NSD2: variants seen among roughly 807,000 people sequenced by gnomAD.
NSD2 encodes nuclear receptor binding SET domain protein 2.
NSD2 carries 12 observed loss-of-function variants against 139.0 expected under a neutral mutation model. The ratio of observed to expected loss-of-function variants is 0.09; its 90% confidence interval spans 0.06 to 0.14. The LOEUF (loss-of-function observed/expected upper bound fraction) is 0.14, where lower values mean the gene tolerates loss of function less well. NSD2 is among the 10% of genes least tolerant of loss of function. NSD2 has a pLI of 1.00. For synonymous variants in NSD2, 669 were observed against 648.7 expected (o/e 1.03, Z -0.48); for missense variants, 1,155 against 1,745.0 (o/e 0.66, Z 6.02).
At chr4:1,897,645 A>T (rs77875172) in intron 1 of NSD2, among the ~76,000 whole-genome samples, 9,578 of 152,180 alleles carry the variant, frequency 0.063, 1,041 homozygotes, top group African/African-American at 0.22. Context: ...TTTTATTGAT[A>T]TATTTTTGAG....
chr4:1,952,181 G>A lies in NSD2; in HGVS notation c.2087G>A (p.Gly696Glu). ...CCGAFHLACL[G>E]LSRRPEGRFT... The stretch of plus-strand genomic sequence containing the variant: ...GGAGCTTTCCACCTCGCCTGCCTTG[G>A]GCTTTCCCGGAGGCCAGAAGGGAGG... The change falls in exon 11 of 22, where the codon GGG (glycine) becomes GAG (glutamate). Residue 696 changes from glycine (G) to glutamate (E), a missense_variant. By Grantham distance (98) the Gly-to-Glu change is moderately conservative. Coordinates refer to ENST00000508803, the MANE Select transcript of NSD2 (RefSeq NM_001042424.3). 6.2e-7 allele frequency: 1 copy of A among 1,614,088 alleles called. No individual in the cohort carries two copies. Among genetic ancestry groups the A allele is most frequent in the Admixed American group, 1.7e-5 (1 of 60,020 alleles).
intron 9 of NSD2, chr4:1,940,591 G>T: frequency 9.4e-7 from 1 of 1,063,532 alleles, no homozygotes; most frequent in Non-Finnish European, 1.1e-6. Context: ...CTTGTTATTT[G>T]GTTCTCCGTG....
chr4:1,877,844 C>T (rs1714374855), intron 1 of NSD2, among the ~76,000 whole-genome samples: 1 of 152,070 alleles, frequency 6.6e-6, no homozygotes, highest in African/African-American at 2.4e-5. Flanking sequence ...CCCTCTCGGG[C>T]ACCTTCTCTG....
At chr4:1,930,603 T>C in intron 5 of NSD2, 23 bp from the exon 6 acceptor site, 1 of 1,582,362 alleles carries the variant, frequency 6.3e-7, no homozygotes, top group Non-Finnish European at 8.6e-7. Context: ...AACTTCTCAT[T>C]GCACCTTCTC....
chr4:1,898,640 A>G (rs1429015249), intron 1 of NSD2, among the ~76,000 whole-genome samples: 1 of 150,230 alleles, frequency 6.7e-6, no homozygotes, highest in East Asian at 1.9e-4. Context: ...AACCTGGGTG[A>G]CAGAGCGAGA....
At position 1,942,643 on chromosome 4, in the gene NSD2, T is replaced by C; in HGVS notation, c.1881+2865T>C. 1 of 1,195,918 alleles carries C rather than the reference T, an allele frequency of 8.4e-7. No homozygotes were observed. The highest frequency in any genetic ancestry group is 1.0e-6 in the Non-Finnish European group (1 of 960,200). 74.1% of individuals were successfully genotyped at this position (1,195,918 alleles called of 1,614,324 possible). A position where few individuals can be genotyped will look rare whatever the true frequency, so the allele number is the denominator to read the frequency against. ...AACACGTTCATATTCCAGTGGTCAA[T>C]GTAGATTTCAAGTTGAAAGGCAGTC... On this transcript the variant is annotated intron_variant, in intron 9 of 21. Coordinates refer to ENST00000508803, the MANE Select transcript of NSD2 (RefSeq NM_001042424.3). This position sits in a 1 kb window ranked among gnomAD's most constrained non-coding sequence, Gnocchi z 4.0.
intron 8 of NSD2, among the ~76,000 whole-genome samples, chr4:1,938,742 A>C (rs1722758914): frequency 6.6e-6 from 1 of 152,014 alleles, no homozygotes; most frequent in African/African-American, 2.4e-5. Context: ...TGTTATTTTG[A>C]AGGGTTTGGC....
chr4:1,926,807 G>T (rs1720969730), intron 5 of NSD2, among the ~76,000 whole-genome samples: 1 of 152,102 alleles, frequency 6.6e-6, no homozygotes, highest in Non-Finnish European at 1.5e-5. Flanking sequence ...TACCTTTCCT[G>T]ATCCTAATTT....
At chr4:1,895,520 C>T (rs373502806) in intron 1 of NSD2, among the ~76,000 whole-genome samples, 1 of 152,172 alleles carries the variant, frequency 6.6e-6, no homozygotes, top group Non-Finnish European at 1.5e-5. Flanking sequence ...TTCAACTCAA[C>T]TGAGTTTTTA....
At chr4:1,926,208 G>A (rs1720894839) in intron 5 of NSD2, among the ~76,000 whole-genome samples, 1 of 148,654 alleles carries the variant, frequency 6.7e-6, no homozygotes, top group Non-Finnish European at 1.5e-5. Flanking sequence ...AGGCTGGAGT[G>A]CAGAGGCATG....
intron 9 of NSD2, chr4:1,944,763 GCC>G: frequency 9.4e-7 from 1 of 1,064,354 alleles, no homozygotes; most frequent in Middle Eastern, 4.2e-4. Flanking sequence ...TTCTAAAATT[GCC>G]CCACCTGCTC....
chr4:1,975,003 A>G lies in NSD2; in HGVS notation c.3513A>G (p.Ala1171=), dbSNP rs1726917625. ...VGLFAVCDIP[A]GTELTFNYNL... is the part of the protein sequence containing the mutation. ...TGTTTGCCGTCTGTGACATTCCTGC[A>G]GGTACAAGCTCTGGGGACCCTGCAT... is the stretch of plus-strand genomic sequence containing the variant. Residue 1171 remains alanine (A), a splice_region_variant and synonymous_variant, in exon 19 of 22, where the codon GCA becomes GCG. Transcript: ENST00000508803. 6.2e-7 allele frequency: 1 copy of G among 1,614,160 alleles called. No individual in the cohort carries two copies. Among genetic ancestry groups the G allele is most frequent in the South Asian group, 1.1e-5 (1 of 91,082 alleles).
chr4:1,896,562 C>G (rs986701784), intron 1 of NSD2, among the ~76,000 whole-genome samples: 1 of 152,116 alleles, frequency 6.6e-6, no homozygotes, highest in African/African-American at 2.4e-5. Flanking sequence ...GACAGGGTCT[C>G]ACTATGCTGC....
At position 1,978,626 on chromosome 4, in the gene NSD2, G is replaced by A. The variant is rs553013725; in HGVS notation, c.3827-12G>A. On this transcript the variant is annotated splice_polypyrimidine_tract_variant and intron_variant, in intron 21 of 21. Transcript: ENST00000508803. ...TCACTTCTGTGTGCTCACATCTTGT[G>A]TTCTGTTGCAGGGAAGTGGGAATGT... 2.5e-6 allele frequency: 4 copies of A among 1,596,526 alleles called. No individual in the cohort carries two copies. The South Asian group carries it at 3.4e-5, about 13-fold the overall frequency.
chr4:1,872,631 A>AGC (rs1553856473), intron 1 of NSD2, among the ~76,000 whole-genome samples: 14 of 133,390 alleles, frequency 1.0e-4, no homozygotes, highest in South Asian at 7.3e-4. Context: ...AGAGAGAGAG[A>AGC]GAGAGCGCGC....
chr4:1,971,831 C>T (rs1164354298), intron 18 of NSD2, among the ~76,000 whole-genome samples: 4 of 152,206 alleles, frequency 2.6e-5, no homozygotes, highest in Non-Finnish European at 5.9e-5. Context: ...TTCATGAACA[C>T]CAGAAAATCA....
chr4:1,889,243 C>T (rs1326752705), intron 1 of NSD2, among the ~76,000 whole-genome samples: 2 of 151,746 alleles, frequency 1.3e-5, no homozygotes, highest in Non-Finnish European at 2.9e-5. Context: ...GCCACTCAGG[C>T]TGGAGTGCAG....
chr4:1,878,414 A>C (rs1406362461), intron 1 of NSD2, among the ~76,000 whole-genome samples: 1 of 151,390 alleles, frequency 6.6e-6, no homozygotes, highest in Non-Finnish European at 1.5e-5. Context: ...GGCCAAAAAA[A>C]CTTTTTTTAA....
chr4:1,948,596 T>G lies in NSD2; in HGVS notation c.1882-2476T>G. Reference sequence around the variant, plus strand: ...GTCGGAATCTCTGCAATCTGTGTCATGGACTGTACTATTGTAAGGTCTATA... The same window carrying G: ...GTCGGAATCTCTGCAATCTGTGTCAGGGACTGTACTATTGTAAGGTCTATA... On this transcript the variant is annotated intron_variant, in intron 9 of 21. Transcript: ENST00000508803. This position sits in a 1 kb window ranked among gnomAD's most constrained non-coding sequence, Gnocchi z 4.5. The G allele has an allele frequency of 9.4e-7, 1 of 1,063,598 alleles. No individual in the cohort carries two copies. The highest frequency in any genetic ancestry group is 1.1e-6 in the Non-Finnish European group (1 of 877,278). The allele number at this position is 1,063,598 out of a possible 1,614,324, so 65.9% of individuals were successfully genotyped here. A position where few individuals can be genotyped will look rare whatever the true frequency, so the allele number is the denominator to read the frequency against.
Sources: allele counts gnomAD v4.1 joint callset (sites outside exome capture counted in the v4.1 genomes callset), GRCh38; gene constraint gnomAD v4.1.1; non-coding constraint Gnocchi (gnomAD v3.1); transcripts MANE v1.5; gene names NCBI Gene and HGNC (gene_info 2026-07-23, HGNC 2026-07-21).